Variants in GPC5 observed in about 807,000 individuals in gnomAD.
GPC5 encodes the protein glypican-5.
A neutral mutation model predicts 53.9 loss-of-function variants in GPC5; 47 were observed. The observed-to-expected ratio is 0.87, with a 90% CI of 0.69 to 1.11. The LOEUF (loss-of-function observed/expected upper bound fraction) is 1.11. Among genes scored for constraint, GPC5 ranks in the 50% most tolerant of loss-of-function variants. The pLI is 0.00. For synonymous variants in GPC5, 286 were observed against 263.3 expected, an observed-to-expected ratio of 1.09 and a Z score of -0.84; for missense variants, 748 against 713.1, an observed-to-expected ratio of 1.05 and a Z score of -0.56.
At chr13:92,759,790 A>G (rs1186295890) in intron 7 of GPC5, among the ~76,000 whole-genome samples, 1 of 152,062 alleles carries the variant, frequency 6.6e-6, no homozygotes, top group African/African-American at 2.4e-5. Context: ...CATGCATTGT[A>G]CCAGATCTTA....
intron 2 of GPC5, among the ~76,000 whole-genome samples, chr13:91,644,311 G>A (rs72643208): frequency 2.0e-5 from 3 of 152,210 alleles, no homozygotes; most frequent in Non-Finnish European, 4.4e-5. Flanking sequence ...ATCCAACGTC[G>A]CATAGACAGT....
intron 7 of GPC5, among the ~76,000 whole-genome samples, chr13:92,545,745 T>C (rs145754544): frequency 0.14 from 21,207 of 152,206 alleles, 1,743 homozygotes; most frequent in Non-Finnish European, 0.18. Context: ...TTCATATCCT[T>C]TGCCCACTTT....
chr13:91,756,155 G>A (rs555054118), intron 4 of GPC5, 140 bp from the exon 5 acceptor site: 80 of 489,410 alleles, frequency 1.6e-4, no homozygotes, highest in African/African-American at 1.5e-3. Context: ...TAGAGAAAAT[G>A]TAAAAAATTA....
intron 7 of GPC5, among the ~76,000 whole-genome samples, chr13:92,510,757 G>T (rs1168432976): frequency 6.6e-6 from 1 of 152,100 alleles, no homozygotes. Flanking sequence ...CCACCTATAG[G>T]GGACTATGAA....
intron 2 of GPC5, among the ~76,000 whole-genome samples, chr13:91,457,414 T>A (rs1338535563): frequency 6.6e-5 from 10 of 152,114 alleles, no homozygotes; most frequent in Admixed American, 6.6e-4. Flanking sequence ...AATGTATCTA[T>A]TTTTACCTTT....
rs574170773 is a variant in GPC5 at position 92,867,077 on chromosome 13, T to C, written c.*638T>C. 3.3e-5 allele frequency: 5 copies of C among 152,218 alleles called. No homozygotes were observed. In the South Asian group the frequency reaches 1.0e-3, roughly 32 times the overall value. The allele number at this position is 152,218 out of a possible 1,614,324, so 9.4% of individuals were successfully genotyped here. On this transcript the variant is annotated 3_prime_UTR_variant, in exon 8 of 8. Transcript: ENST00000377067. ...TGATGAACCTTAAAGCTGAGTATTT[T>C]ATTAACACCTGATTTGTATTCCATT... is the stretch of plus-strand genomic sequence containing the variant.
chr13:91,616,264 G>T (rs1189168826), intron 2 of GPC5, among the ~76,000 whole-genome samples: 1 of 152,016 alleles, frequency 6.6e-6, no homozygotes, highest in African/African-American at 2.4e-5. Flanking sequence ...TTCATTTAAA[G>T]AAACAGATCT....
At chr13:92,430,430 C>G (rs1391455791) in intron 7 of GPC5, among the ~76,000 whole-genome samples, 1 of 152,138 alleles carries the variant, frequency 6.6e-6, no homozygotes, top group Non-Finnish European at 1.5e-5. Context: ...AGTAACGAAA[C>G]TCTTCAGAGT....
intron 7 of GPC5, among the ~76,000 whole-genome samples, chr13:92,766,406 C>T (rs542479404): frequency 1.7e-3 from 257 of 152,036 alleles, no homozygotes; most frequent in Non-Finnish European, 3.0e-3. Flanking sequence ...CAAAATACAG[C>T]CAAATAGTAA....
chr13:92,251,329 C>A (rs1296996901), intron 7 of GPC5, among the ~76,000 whole-genome samples: 1 of 152,008 alleles, frequency 6.6e-6, no homozygotes, highest in Non-Finnish European at 1.5e-5. Context: ...CTGAGTTTTG[C>A]AGTGGGAAAA....
chr13:92,723,617 C>T (rs977486491), intron 7 of GPC5, among the ~76,000 whole-genome samples: 1 of 151,594 alleles, frequency 6.6e-6, no homozygotes, highest in Non-Finnish European at 1.5e-5. Context: ...ACAATATATC[C>T]TTATAGTAAA....
intron 2 of GPC5, among the ~76,000 whole-genome samples, chr13:91,657,784 C>G (rs544617765): frequency 6.6e-6 from 1 of 152,046 alleles, no homozygotes; most frequent in African/African-American, 2.4e-5. Flanking sequence ...TTAGTGGCAG[C>G]CACACATCAA....
chr13:91,561,426 C>G (rs886706183), intron 2 of GPC5, among the ~76,000 whole-genome samples: 4 of 152,152 alleles, frequency 2.6e-5, no homozygotes, highest in Non-Finnish European at 5.9e-5. Context: ...AGTCTTTACA[C>G]TTCTATCACA....
intron 7 of GPC5, among the ~76,000 whole-genome samples, chr13:92,837,099 T>C (rs894346010): frequency 6.6e-6 from 1 of 152,144 alleles, no homozygotes; most frequent in Non-Finnish European, 1.5e-5. Context: ...GCTTCCAGAC[T>C]GAAGGATATA....
chr13:92,599,495 C>G (rs1883979740), intron 7 of GPC5, among the ~76,000 whole-genome samples: 1 of 152,106 alleles, frequency 6.6e-6, no homozygotes, highest in African/African-American at 2.4e-5. Flanking sequence ...GGCAAGATGT[C>G]AAGCAGGACA....
chr13:92,148,301 T>A (rs776557852), intron 7 of GPC5, among the ~76,000 whole-genome samples: 11 of 152,076 alleles, frequency 7.2e-5, no homozygotes, highest in Non-Finnish European at 1.6e-4. Context: ...CTGTTTTTGT[T>A]CATGTTTATA....
chr13:92,709,094 C>G (rs1205130622), intron 7 of GPC5, among the ~76,000 whole-genome samples: 1 of 151,400 alleles, frequency 6.6e-6, no homozygotes, highest in Non-Finnish European at 1.5e-5. Context: ...GTTGCCCAGG[C>G]TAGAGTGCAA....
At position 91,693,182 on chromosome 13, in the gene GPC5, T is replaced by C. The variant is rs1594438656; in HGVS notation, c.326-5T>C. The C allele has an allele frequency of 6.2e-7, 1 of 1,606,534 alleles. No individual in the cohort carries two copies. Among genetic ancestry groups the C allele is most frequent in the Middle Eastern group, 1.7e-4 (1 of 6,020 alleles). Reference sequence around the variant, plus strand: ...TCTCATGTTTTACCTCTGCTTGTGTTACAGAAACCCTTGAAACTCTCATCA... The same window carrying C: ...TCTCATGTTTTACCTCTGCTTGTGTCACAGAAACCCTTGAAACTCTCATCA... On this transcript the variant is annotated splice_region_variant and splice_polypyrimidine_tract_variant and intron_variant, in intron 2 of 7. Coordinates refer to ENST00000377067, the MANE Select transcript of GPC5 (RefSeq NM_004466.6).
At chr13:92,853,141 C>CAACTTTAAA (rs1308991564) in intron 7 of GPC5, among the ~76,000 whole-genome samples, 1 of 152,050 alleles carries the variant, frequency 6.6e-6, no homozygotes, top group Non-Finnish European at 1.5e-5. Context: ...AAAAAAAATC[C>CAACTTTAAA]AACTTTAAAC....
Sources: gnomAD v4.1 joint callset for allele counts (sites outside exome capture counted in the v4.1 genomes callset) on GRCh38, gnomAD v4.1.1 for gene constraint, MANE v1.5 for transcripts, NCBI Gene and HGNC (gene_info 2026-07-23, HGNC 2026-07-21) for gene names.